Variants in CACNA2D1 observed in about 807,000 individuals in gnomAD.
The protein encoded by CACNA2D1 is calcium voltage-gated channel auxiliary subunit alpha2delta 1, also known as voltage-dependent calcium channel subunit alpha-2/delta-1.
Under a neutral mutation model 171.5 loss-of-function variants are expected in CACNA2D1, and 53 were observed. The observed-to-expected ratio is 0.31, with a 90% confidence interval of 0.25 to 0.39. The LOEUF is 0.39. Among genes scored for constraint, CACNA2D1 ranks in the 10% least tolerant of loss-of-function variants. The probability of loss-of-function intolerance (pLI) is 1.00; values close to 1 mark genes in which losing one functional copy is unlikely to be tolerated. For missense variants in CACNA2D1, 903 were observed against 1,299.8 expected (o/e 0.69, Z 4.69); for synonymous variants, 442 against 443.1 (o/e 1.00, Z 0.03).
chr7:81,989,903 C>A (rs895898921), intron 21 of CACNA2D1, among the ~76,000 whole-genome samples: 1 of 152,152 alleles, frequency 6.6e-6, no homozygotes, highest in East Asian at 1.9e-4. Context: ...TGATGGATTT[C>A]ATGTCTTGAG....
intron 4 of CACNA2D1, among the ~76,000 whole-genome samples, chr7:82,146,921 G>A (rs1793192176): frequency 7.2e-6 from 1 of 138,580 alleles, no homozygotes; most frequent in Non-Finnish European, 1.5e-5. Flanking sequence ...AGGGGCAGAG[G>A]TTGCAGTGAG....
chr7:81,994,067 A>T (rs1406036859), intron 20 of CACNA2D1, among the ~76,000 whole-genome samples: 5 of 152,132 alleles, frequency 3.3e-5, no homozygotes, highest in African/African-American at 1.2e-4. Context: ...CTAGGGAAGG[A>T]TCTGATGAGG....
At chr7:82,207,631 G>C (rs890390691) in intron 3 of CACNA2D1, among the ~76,000 whole-genome samples, 5 of 151,998 alleles carry the variant, frequency 3.3e-5, no homozygotes, top group African/African-American at 1.2e-4. Context: ...TTTAATCTTT[G>C]ACCCTGTGCT....
intron 3 of CACNA2D1, among the ~76,000 whole-genome samples, chr7:82,207,674 G>A (rs1218407715): frequency 6.6e-6 from 1 of 152,102 alleles, no homozygotes; most frequent in Non-Finnish European, 1.5e-5. Flanking sequence ...GTCACCTGCT[G>A]GTAGCTCCAG....
chr7:82,286,533 CA>C (rs1296927437), intron 3 of CACNA2D1, among the ~76,000 whole-genome samples: 1 of 152,074 alleles, frequency 6.6e-6, no homozygotes, highest in Non-Finnish European at 1.5e-5. Context: ...AAGCAAAATA[CA>C]AAGTTGTACA....
chr7:82,130,642 T>G (rs984310991), intron 5 of CACNA2D1, among the ~76,000 whole-genome samples: 4 of 151,776 alleles, frequency 2.6e-5, no homozygotes, highest in African/African-American at 9.7e-5. Flanking sequence ...GTCTTAGGAG[T>G]TGGAAAACAA....
At chr7:82,184,992 TA>T (rs1797514816) in intron 3 of CACNA2D1, among the ~76,000 whole-genome samples, 1 of 152,180 alleles carries the variant, frequency 6.6e-6, no homozygotes, top group African/African-American at 2.4e-5. Flanking sequence ...AGTCACCAGC[TA>T]AATGGTGGAC....
At chr7:81,999,309 CA>C (rs1251328085) in intron 18 of CACNA2D1, among the ~76,000 whole-genome samples, 2 of 152,064 alleles carry the variant, frequency 1.3e-5, no homozygotes, top group Non-Finnish European at 2.9e-5. Context: ...CTACAAAATT[CA>C]AAAGCATAAT....
intron 4 of CACNA2D1, among the ~76,000 whole-genome samples, chr7:82,159,107 A>G (rs1794673676): frequency 6.6e-6 from 1 of 151,976 alleles, no homozygotes; most frequent in African/African-American, 2.4e-5. Context: ...GATGCTGCAT[A>G]TATTTTCAGG....
chr7:82,055,947 T>TATATATATATATATATATATATATATA (rs148921902), intron 10 of CACNA2D1, among the ~76,000 whole-genome samples: 2 of 130,390 alleles, frequency 1.5e-5, no homozygotes, highest in Admixed American at 8.6e-5. Context: ...TATATATATA[T>TATATATATATATATATATATATATATA]AATTTTTTAA....
chr7:82,295,341 A>ATT (rs10645184), intron 3 of CACNA2D1, among the ~76,000 whole-genome samples: 8,345 of 145,772 alleles, frequency 0.057, 813 homozygotes, highest in African/African-American at 0.2. Context: ...AGTAGCTTGT[A>ATT]TTTTTTTTTT....
At chr7:82,122,172 C>T (rs1258915157) in intron 5 of CACNA2D1, among the ~76,000 whole-genome samples, 1 of 152,052 alleles carries the variant, frequency 6.6e-6, no homozygotes, top group African/African-American at 2.4e-5. Context: ...TTAAAAAACA[C>T]TGTAGGGAAT....
At chr7:82,308,286 T>C (rs1016294140) in intron 3 of CACNA2D1, among the ~76,000 whole-genome samples, 1 of 152,128 alleles carries the variant, frequency 6.6e-6, no homozygotes, top group Non-Finnish European at 1.5e-5. Flanking sequence ...AATCAATGGA[T>C]AAAAATGTAC....
At chr7:82,368,758 T>G (rs1822027349) in intron 1 of CACNA2D1, among the ~76,000 whole-genome samples, 1 of 152,152 alleles carries the variant, frequency 6.6e-6, no homozygotes, top group Non-Finnish European at 1.5e-5. Flanking sequence ...TACATCACAG[T>G]CATAGTTATT....
At chr7:82,193,365 C>A (rs1433749662) in intron 3 of CACNA2D1, among the ~76,000 whole-genome samples, 4 of 151,848 alleles carry the variant, frequency 2.6e-5, no homozygotes, top group African/African-American at 9.7e-5. Context: ...TAGTCCCGGG[C>A]AAACTGACAA....
At chr7:82,155,416 G>A (rs1235823416) in intron 4 of CACNA2D1, among the ~76,000 whole-genome samples, 1 of 152,030 alleles carries the variant, frequency 6.6e-6, no homozygotes, top group African/African-American at 2.4e-5. Context: ...CTGAATCCAG[G>A]TCTATCAACC....
intron 3 of CACNA2D1, among the ~76,000 whole-genome samples, chr7:82,296,790 T>C (rs528590806): frequency 1.3e-5 from 2 of 152,220 alleles, no homozygotes; most frequent in South Asian, 2.1e-4. Flanking sequence ...CTCCAACCTG[T>C]AGGAGCCTAG....
chr7:82,214,060 G>A (rs1036361811), intron 3 of CACNA2D1, among the ~76,000 whole-genome samples: 1 of 151,920 alleles, frequency 6.6e-6, no homozygotes, highest in African/African-American at 2.4e-5. Flanking sequence ...AGCTTTCTGG[G>A]GTTTCTTTTA....
intron 3 of CACNA2D1, among the ~76,000 whole-genome samples, chr7:82,172,784 TA>T (rs767526951): frequency 0.021 from 2,797 of 135,248 alleles, 57 homozygotes; most frequent in African/African-American, 0.061. Context: ...TTCCCCCATT[TA>T]AAAAAAAAAA....
Sources: gnomAD v4.1 joint callset for allele counts (sites outside exome capture counted in the v4.1 genomes callset) on GRCh38, gnomAD v4.1.1 for gene constraint, MANE v1.5 for transcripts, NCBI Gene and HGNC (gene_info 2026-07-23, HGNC 2026-07-21) for gene names.